Variants in RBFOX1 observed in about 807,000 individuals in gnomAD.
RBFOX1 encodes the protein RNA binding fox-1 homolog 1, also known as RNA binding protein fox-1 homolog 1.
RBFOX1 carries 8 observed loss-of-function variants against 57.7 expected under a neutral mutation model. The ratio of observed to expected loss-of-function variants is 0.14; its 90% confidence interval spans 0.08 to 0.25. RBFOX1 has a LOEUF of 0.25. Ranked by LOEUF, RBFOX1 falls within the 10% of genes least tolerant of loss-of-function variation. The pLI is 1.00. For synonymous variants in RBFOX1, 326 were observed against 222.4 expected (o/e 1.47, Z -4.15); for missense variants, 611 against 548.5 (o/e 1.11, Z -1.14).
chr16:7,152,965 G>A (rs1366447549), intron 4 of RBFOX1, among the ~76,000 whole-genome samples: 2 of 152,130 alleles, frequency 1.3e-5, no homozygotes, highest in African/African-American at 2.4e-5. Context: ...GGCCATTGCT[G>A]GTGCATAAAA....
At chr16:6,711,472 G>A (rs989810827) in intron 3 of RBFOX1, among the ~76,000 whole-genome samples, 5 of 152,114 alleles carry the variant, frequency 3.3e-5, no homozygotes, top group African/African-American at 1.2e-4. Flanking sequence ...GAGGGACCTG[G>A]TAGGAGGTGA....
intron 2 of RBFOX1, among the ~76,000 whole-genome samples, chr16:5,495,090 T>C (rs2042959434): frequency 6.6e-6 from 1 of 152,190 alleles, no homozygotes; most frequent in Admixed American, 6.5e-5. Flanking sequence ...CTTACACTTC[T>C]GCAGGCTGTG....
In RBFOX1 at chr16:7,013,722, A is replaced by G. The variant is rs141830427; in HGVS notation, c.-15-38335A>G. Among the ~76,000 whole-genome samples, 888 of 151,566 alleles carry G rather than the reference A, an allele frequency of 5.9e-3. 4 individuals carry two copies. Among genetic ancestry groups the G allele is most frequent in the Middle Eastern group, 0.014 (4 of 294 alleles). On this transcript the variant is annotated intron_variant, in intron 3 of 15. Transcript: ENST00000550418. ...GCCCAGGCTGGAGTGCACTGGCACA[A>G]TCACTGCTCACTGCAGCCTCAAACT...
intron 4 of RBFOX1, among the ~76,000 whole-genome samples, chr16:7,300,891 G>C (rs1284476571): frequency 6.6e-6 from 1 of 152,136 alleles, no homozygotes; most frequent in Non-Finnish European, 1.5e-5. Flanking sequence ...ATTCCATTAA[G>C]GGTCCTTGTA....
At chr16:5,757,668 A>G (rs535417019) in intron 3 of RBFOX1, among the ~76,000 whole-genome samples, 1 of 152,142 alleles carries the variant, frequency 6.6e-6, no homozygotes, top group Non-Finnish European at 1.5e-5. Flanking sequence ...TGTTGGACAG[A>G]TTGCCACATG....
Position 6,178,177 on chromosome 16 carries a change from CTTTTTTTTTT to C in RBFOX1, c.-126-138801_-126-138792del, listed in dbSNP as rs34382826. On this transcript the variant is annotated intron_variant, in intron 1 of 15. Coordinates refer to ENST00000550418, the MANE Select transcript of RBFOX1 (RefSeq NM_018723.4). ...CTTGCCCATATTTCCAAAGGTCACT[CTTTTTTTTTT>C]TTTTTTTTTTTTTTTTGGAGACAGA... Among the ~76,000 whole-genome samples, 8 of 69,630 alleles carry C rather than the reference CTTTTTTTTTT, an allele frequency of 1.1e-4. No homozygotes were observed. The East Asian group carries it at 2.7e-3, about 24-fold the overall frequency. The allele number at this position is 69,630 out of a possible 152,430, so 45.7% of individuals were successfully genotyped here. A position where few individuals can be genotyped will look rare whatever the true frequency, so the allele number is the denominator to read the frequency against.
chr16:7,375,112 G>A (rs150520031), intron 4 of RBFOX1, among the ~76,000 whole-genome samples: 2 of 152,304 alleles, frequency 1.3e-5, no homozygotes, highest in Non-Finnish European at 2.9e-5. Context: ...CATTATGCTA[G>A]CCATTACGCA....
chr16:7,688,280 A>AGG (rs1555779862), intron 14 of RBFOX1, among the ~76,000 whole-genome samples: 6,611 of 149,632 alleles, frequency 0.044, 349 homozygotes, highest in East Asian at 0.25. Context: ...AGAGAGAGAG[A>AGG]GAGATTCAAT....
chr16:5,267,610 T>G (rs929819664), intron 1 of RBFOX1, among the ~76,000 whole-genome samples: 1 of 151,896 alleles, frequency 6.6e-6, no homozygotes, highest in African/African-American at 2.4e-5. Context: ...ACACATAAGG[T>G]TTGAGTTGAG....
intron 4 of RBFOX1, among the ~76,000 whole-genome samples, chr16:7,158,010 C>A (rs1002331771): frequency 3.3e-5 from 5 of 152,100 alleles, no homozygotes; most frequent in Admixed American, 2.0e-4. Context: ...CAGAAAAATT[C>A]TATGTAGCTT....
intron 4 of RBFOX1, among the ~76,000 whole-genome samples, chr16:5,890,908 TTC>T (rs1379788166): frequency 1.3e-5 from 2 of 152,154 alleles, no homozygotes; most frequent in African/African-American, 2.4e-5. Flanking sequence ...TGTCTTCATT[TTC>T]TCTCATTGGA....
At chr16:6,117,477 G>A (rs773261036) in intron 1 of RBFOX1, among the ~76,000 whole-genome samples, 1 of 152,244 alleles carries the variant, frequency 6.6e-6, no homozygotes, top group Non-Finnish European at 1.5e-5. Context: ...GGATTAAGAG[G>A]TGTGGCCATT....
intron 4 of RBFOX1, among the ~76,000 whole-genome samples, chr16:5,953,684 G>T (rs548097295): frequency 1.4e-5 from 2 of 147,858 alleles, no homozygotes; most frequent in African/African-American, 5.1e-5. Context: ...TTCATTTTTA[G>T]GGCTAAGTAG....
At chr16:5,624,718 T>G (rs1370115066) in intron 3 of RBFOX1, among the ~76,000 whole-genome samples, 1 of 152,250 alleles carries the variant, frequency 6.6e-6, no homozygotes, top group African/African-American at 2.4e-5. Context: ...CTAGCTGGCT[T>G]GGACACAGCC....
At chr16:7,470,999 G>A (rs1317264935) in intron 4 of RBFOX1, among the ~76,000 whole-genome samples, 1 of 152,012 alleles carries the variant, frequency 6.6e-6, no homozygotes, top group Non-Finnish European at 1.5e-5. Flanking sequence ...TGCCAAGATA[G>A]ATTTTATTGA....
At chr16:5,855,055 C>G (rs958577480) in intron 3 of RBFOX1, among the ~76,000 whole-genome samples, 3 of 152,068 alleles carry the variant, frequency 2.0e-5, no homozygotes, top group Non-Finnish European at 4.4e-5. Context: ...ATCCTTTGTT[C>G]GTTTTGTAAT....
At chr16:6,508,847 T>C (rs1349847220) in intron 2 of RBFOX1, among the ~76,000 whole-genome samples, 1 of 150,002 alleles carries the variant, frequency 6.7e-6, no homozygotes, top group Non-Finnish European at 1.5e-5. Flanking sequence ...CGCTTACTTT[T>C]GCACCAACCT....
intron 3 of RBFOX1, among the ~76,000 whole-genome samples, chr16:6,797,464 A>T (rs949932688): frequency 4.6e-5 from 7 of 152,164 alleles, no homozygotes; most frequent in Non-Finnish European, 1.0e-4. Flanking sequence ...ACAGTTAAAC[A>T]CATATATCCT....
intron 2 of RBFOX1, among the ~76,000 whole-genome samples, chr16:6,513,857 G>A (rs2096309001): frequency 6.6e-6 from 1 of 152,166 alleles, no homozygotes; most frequent in South Asian, 2.1e-4. Context: ...CATTGGTTTG[G>A]ACTAGGACGC....
Sources: allele counts gnomAD v4.1 joint callset (sites outside exome capture counted in the v4.1 genomes callset), GRCh38; gene constraint gnomAD v4.1.1; transcripts MANE v1.5; gene names NCBI Gene and HGNC (gene_info 2026-07-23, HGNC 2026-07-21).